Variants in COL20A1 observed in about 807,000 individuals in gnomAD.
COL20A1 encodes the protein collagen alpha-1(XX) chain.
Under a neutral mutation model 152.9 loss-of-function variants are expected in COL20A1, and 164 were observed. The observed-to-expected ratio is 1.07, with a 90% CI of 0.94 to 1.22. The LOEUF (loss-of-function observed/expected upper bound fraction) is 1.22, where lower values mean the gene tolerates loss of function less well. Among genes scored for constraint, COL20A1 ranks in the 50% most tolerant of loss-of-function variants. The probability of loss-of-function intolerance (pLI) is 0.00; values close to 1 mark genes in which losing one functional copy is unlikely to be tolerated. For missense variants in COL20A1, 1,873 were observed against 1,744.8 expected (o/e 1.07, Z -1.31); for synonymous variants, 864 against 756.0 (o/e 1.14, Z -2.34).
rs768405162 is a variant in COL20A1 at position 63,322,082 on chromosome 20, C to G, written c.3265C>G (p.Pro1089Ala). Reference protein sequence around the residue: ...PPGLPGRNGTPGEQGFPGPRG... With the variant: ...PPGLPGRNGTAGEQGFPGPRG... ...GGGCCTCCCTGGGAGGAATGGCACC[C>G]CAGGAGAGCAGGGCTTCCCAGGGCC... Residue 1089 changes from proline (P) to alanine (A), a missense_variant, in exon 27 of 36, where the codon CCA becomes GCA. Physicochemically the swap from Pro to Ala is conservative, Grantham distance 27. Coordinates refer to ENST00000358894, the MANE Select transcript of COL20A1 (RefSeq NM_020882.4). The G allele has an allele frequency of 6.7e-7, 1 of 1,502,612 alleles. No individual in the cohort carries two copies. 93.1% of individuals were successfully genotyped at this position (1,502,612 alleles called of 1,614,324 possible).
Position 63,319,446 on chromosome 20 carries a change from G to T in COL20A1, c.2807-41G>T. The T allele has an allele frequency of 6.8e-7, 1 of 1,460,424 alleles. No homozygotes were observed. The highest frequency in any genetic ancestry group is 1.2e-5 in the South Asian group (1 of 81,806). 90.5% of individuals were successfully genotyped at this position (1,460,424 alleles called of 1,614,324 possible). On this transcript the variant is annotated intron_variant, in intron 22 of 35. Transcript: ENST00000358894. The surrounding 1 kb of genome is among the most constrained non-coding windows in gnomAD (Gnocchi z 4.4). ...CCTGCTCAAGGTATAGGCCCGGCTG[G>T]TTGCAGCCCGTTCTCACCTGCTCCA...
At chr20:63,308,727 C>T in intron 8 of COL20A1, 21 bp downstream of exon 8, 1 of 1,564,732 alleles carries the variant, frequency 6.4e-7, no homozygotes, top group Admixed American at 1.8e-5. Flanking sequence ...TGCGGCTCCC[C>T]CGGCCCTGGA....
At chr20:63,324,921 G>A (rs2068220746) in intron 27 of COL20A1, 1 of 241,134 alleles carries the variant, frequency 4.1e-6, no homozygotes, top group Non-Finnish European at 8.4e-6. Flanking sequence ...GTTGGCCTGT[G>A]GGGGTCTCTG....
chr20:63,313,125 C>T lies in COL20A1; in HGVS notation c.2085C>T (p.Val695=). 1 of 1,608,828 alleles carries T rather than the reference C, an allele frequency of 6.2e-7. No individual in the cohort carries two copies. The highest frequency in any genetic ancestry group is 8.5e-7 in the Non-Finnish European group (1 of 1,178,218). ...LGEGKAHEIS[V]PGNLGTAVLP... ...GGCTCTCCTCTCCCTAGATCTCTGT[C>T]CCAGGGAACCTCGGCACGGCCGTCC... Residue 695 remains valine (V), a synonymous_variant, in exon 17 of 36, where the codon GTC becomes GTT. Transcript: ENST00000358894. This position sits in a 1 kb window ranked among gnomAD's most constrained non-coding sequence, Gnocchi z 5.9.
chr20:63,316,752 A>C, intron 21 of COL20A1, 61 bp downstream of exon 21: 7 of 1,169,068 alleles, frequency 6.0e-6, no homozygotes, highest in Non-Finnish European at 8.1e-6. Context: ...GAAGATTAGG[A>C]GGACATGGTG....
Position 63,313,350 on chromosome 20 carries a change from G to C in COL20A1, c.2209+101G>C, listed in dbSNP as rs2044449384. Reference sequence around the variant, plus strand: ...ACAGGCCCAGGACCCTAGACTCCCAGAACTGCTGGCTCCAGAGCCCTGATC... The same window carrying C: ...ACAGGCCCAGGACCCTAGACTCCCACAACTGCTGGCTCCAGAGCCCTGATC... On this transcript the variant is annotated intron_variant, in intron 17 of 35. Transcript: ENST00000358894. This position sits in a 1 kb window ranked among gnomAD's most constrained non-coding sequence, Gnocchi z 5.9. 7.6e-7 allele frequency: 1 copy of C among 1,309,294 alleles called. No homozygotes were observed. The highest frequency in any genetic ancestry group is 1.5e-5 in the African/African-American group (1 of 67,788). 81.1% of individuals were successfully genotyped at this position (1,309,294 alleles called of 1,614,324 possible).
chr20:63,318,572 A>G (rs2068114795), intron 21 of COL20A1, among the ~76,000 whole-genome samples: 1 of 152,040 alleles, frequency 6.6e-6, no homozygotes, highest in Non-Finnish European at 1.5e-5. Context: ...CCGAGAGCAG[A>G]GCTGCCTTTC....
rs750145003 is a variant in COL20A1, at chr20:63,313,917, G to A, written c.2358+26G>A. On this transcript the variant is annotated intron_variant, in intron 18 of 35. Transcript: ENST00000358894. This position sits in a 1 kb window ranked among gnomAD's most constrained non-coding sequence, Gnocchi z 5.9. ...GTGAGTCTTGGTAGAGCCTGAGGCT[G>A]CCCCACCTCGTGGGGCCTCCTGGAA... is the stretch of plus-strand genomic sequence containing the variant. The A allele has an allele frequency of 4.9e-5, 77 of 1,584,674 alleles. No homozygotes were observed. The highest frequency in any genetic ancestry group is 6.3e-5 in the Non-Finnish European group (73 of 1,165,262).
chr20:63,308,679 G>A lies in COL20A1; in HGVS notation c.913G>A (p.Asp305Asn). ...DVHTAARVLK[D>N]LGVNVFAVGV... is the part of the protein sequence containing the mutation. ...GCACACTGCTGCCCGTGTCCTCAAG[G>A]ACCTGGGCGTGAACGTCTTCGCTGT... Residue 305 changes from aspartate (D) to asparagine (N), a missense_variant, in exon 8 of 36, where the codon GAC (aspartate) becomes AAC (asparagine). Transcript: ENST00000358894. The A allele has an allele frequency of 5.6e-6, 9 of 1,606,610 alleles. No homozygotes were observed. Among genetic ancestry groups the A allele is most frequent in the Non-Finnish European group, 7.6e-6 (9 of 1,177,012 alleles).
chr20:63,298,404 C>T (rs2067825971), intron 3 of COL20A1, among the ~76,000 whole-genome samples: 1 of 152,146 alleles, frequency 6.6e-6, no homozygotes, highest in Admixed American at 6.5e-5. Flanking sequence ...GATCCTCCCA[C>T]CTCAGCCTCC....
At chr20:63,320,397 C>G in intron 25 of COL20A1, 29 bp downstream of exon 25, 3 of 1,606,186 alleles carry the variant, frequency 1.9e-6, no homozygotes, top group Non-Finnish European at 2.5e-6. Context: ...CCCTGTTCCA[C>G]GAAGCAAGTT....
Position 63,320,476 on chromosome 20 carries a change from G to A in COL20A1, c.3153+108G>A, listed in dbSNP as rs113914048. ...GCCTGTCCAGATTGTCACCGTGCTG[G>A]GAGAGATCAGGGAAGGCTTTCAGAG... is the stretch of plus-strand genomic sequence containing the variant. On this transcript the variant is annotated intron_variant, in intron 25 of 35. Coordinates refer to ENST00000358894, the MANE Select transcript of COL20A1 (RefSeq NM_020882.4). 6,588 of 1,096,478 alleles carry A rather than the reference G, an allele frequency of 6.0e-3. 83 individuals are homozygous for A. The highest frequency in any genetic ancestry group is 0.028 in the South Asian group (2,159 of 77,256). 67.9% of individuals were successfully genotyped at this position (1,096,478 alleles called of 1,614,324 possible). A position where few individuals can be genotyped will look rare whatever the true frequency, so the allele number is the denominator to read the frequency against.
At chr20:63,328,539 T>G (rs746910976) in intron 34 of COL20A1, 41 bp downstream of exon 34, 1 of 1,570,932 alleles carries the variant, frequency 6.4e-7, no homozygotes, top group Admixed American at 1.8e-5. Flanking sequence ...TTGTGGCCGG[T>G]GGGGGCGCCG....
At chr20:63,321,125 G>T (rs765239211) in intron 26 of COL20A1, 26 bp downstream of exon 26, 5 of 1,524,966 alleles carry the variant, frequency 3.3e-6, no homozygotes, top group African/African-American at 1.4e-5. Context: ...TCTCCTTGGG[G>T]TGACCAGGGA....
chr20:63,313,835 G>C lies in COL20A1; in HGVS notation c.2302G>C (p.Val768Leu), dbSNP rs765611389. Residue 768 changes from valine to leucine, a missense_variant, in exon 18 of 36, where the codon GTG (valine) becomes CTG (leucine). By Grantham distance (32) the Val-to-Leu change is conservative. Transcript: ENST00000358894. This position sits in a 1 kb window ranked among gnomAD's most constrained non-coding sequence, Gnocchi z 5.9. ...QVSWTPPLGR[V>L]LHYWLTYAPA... ...CAGCTGGACGCCCCCGCTTGGCCGC[G>C]TGCTCCATTACTGGCTCACCTACGC... 5.3e-5 allele frequency: 86 copies of C among 1,611,238 alleles called. No homozygotes were observed. Among genetic ancestry groups the C allele is most frequent in the Non-Finnish European group, 7.0e-5 (83 of 1,179,388 alleles).
rs749758173 is a variant in COL20A1, at chr20:63,314,079, TGCCAGGA to T, written c.2378_2384del (p.Arg793ThrfsTer2). 9 of 1,612,760 alleles carry T rather than the reference TGCCAGGA, an allele frequency of 5.6e-6. No individual in the cohort carries two copies. The highest frequency in any genetic ancestry group is 7.6e-6 in the Non-Finnish European group (9 of 1,179,792). ...CACCCTCCCTTCTCCTAGGTCTCTG[TGCCAGGA>T]GCCAGGAGCCACGTGACACTGCCCG... On this transcript the variant is annotated frameshift_variant, in exon 19 of 36. Transcript: ENST00000358894. LOFTEE classifies it high-confidence loss of function.
At chr20:63,295,605 G>A (rs549346745) in intron 2 of COL20A1, among the ~76,000 whole-genome samples, 1 of 152,080 alleles carries the variant, frequency 6.6e-6, no homozygotes, top group African/African-American at 2.4e-5. Flanking sequence ...TTTCCACGCA[G>A]CACCACCCCC....
chr20:63,319,976 T>C lies in COL20A1; in HGVS notation c.2917-63T>C, dbSNP rs11343938. The C allele has an allele frequency of 7.9e-5, 90 of 1,135,946 alleles. No homozygotes were observed. Among genetic ancestry groups the C allele is most frequent in the Non-Finnish European group, 1.0e-4 (88 of 862,888 alleles). The allele number at this position is 1,135,946 out of a possible 1,614,324, so 70.4% of individuals were successfully genotyped here. On this transcript the variant is annotated intron_variant, in intron 23 of 35. Coordinates refer to ENST00000358894, the MANE Select transcript of COL20A1 (RefSeq NM_020882.4). The surrounding 1 kb of genome is among the most constrained non-coding windows in gnomAD (Gnocchi z 4.4). ...TTACTCCCCAGCCCTGGCCTGGCCT[T>C]GGGGGCTCAGGTGGGCACCGGCCCC... is the stretch of plus-strand genomic sequence containing the variant.
chr20:63,311,285 A>G lies in COL20A1; in HGVS notation c.1394-109A>G. 8.2e-7 allele frequency: 1 copy of G among 1,222,928 alleles called. No individual in the cohort carries two copies. Among genetic ancestry groups the G allele is most frequent in the Non-Finnish European group, 1.1e-6 (1 of 900,146 alleles). The allele number at this position is 1,222,928 out of a possible 1,614,324, so 75.8% of individuals were successfully genotyped here. On this transcript the variant is annotated intron_variant, in intron 11 of 35. Coordinates refer to ENST00000358894, the MANE Select transcript of COL20A1 (RefSeq NM_020882.4). This position sits in a 1 kb window ranked among gnomAD's most constrained non-coding sequence, Gnocchi z 4.4. ...GGAAGTGCCACTTTGAATCCTGTGCACCTGCCAGGCGGTGGCCGTGCCCAC... is the reference window on the plus strand; with the variant it reads ...GGAAGTGCCACTTTGAATCCTGTGCGCCTGCCAGGCGGTGGCCGTGCCCAC...
Sources: allele counts gnomAD v4.1 joint callset (sites outside exome capture counted in the v4.1 genomes callset), GRCh38; gene constraint gnomAD v4.1.1; non-coding constraint Gnocchi (gnomAD v3.1); transcripts MANE v1.5; gene names NCBI Gene and HGNC (gene_info 2026-07-23, HGNC 2026-07-21).